Variants in UTRN observed in about 807,000 individuals in gnomAD.
The protein encoded by UTRN is utrophin, also known as dystrophin-related protein 1.
Under a neutral mutation model 463.9 loss-of-function variants are expected in UTRN, and 283 were observed. The ratio of observed to expected loss-of-function variants is 0.61; its 90% CI spans 0.55 to 0.67. The LOEUF is 0.67. Among genes scored for constraint, UTRN ranks in the 30% least tolerant of loss-of-function variants. The probability of loss-of-function intolerance (pLI) is 0.00; values close to 1 mark genes in which losing one functional copy is unlikely to be tolerated. For synonymous variants in UTRN, 1,442 were observed against 1,431.5 expected (o/e 1.01, Z -0.17); for missense variants, 3,922 against 4,084.3 (o/e 0.96, Z 1.08).
intron 65 of UTRN, among the ~76,000 whole-genome samples, chr6:144,818,796 C>T (rs976482454): frequency 4.6e-5 from 7 of 151,954 alleles, no homozygotes; most frequent in East Asian, 1.9e-4. Flanking sequence ...ATGTGAAAAT[C>T]GTTTATAGTA....
At chr6:144,467,291 T>C (rs1168194455) in intron 23 of UTRN, among the ~76,000 whole-genome samples, 1 of 152,226 alleles carries the variant, frequency 6.6e-6, no homozygotes, top group Non-Finnish European at 1.5e-5. Flanking sequence ...AGCTAGATAA[T>C]CGTTCCCTCC....
rs147161800 is a variant in UTRN at position 144,461,743 on chromosome 6, C to A, written c.2853+401C>A. 3.8e-3 allele frequency among the ~76,000 whole-genome samples: 583 copies of A among 152,284 alleles called. 5 individuals are homozygous for A. Among genetic ancestry groups the A allele is most frequent in the African/African-American group, 0.012 (504 of 41,564 alleles). On this transcript the variant is annotated intron_variant, in intron 22 of 74. Transcript: ENST00000367545. ...TGCTATTAGATGAAAAGGAGAGCAG[C>A]CATTGAGCACTGCACACTTGGCCCA... is the stretch of plus-strand genomic sequence containing the variant.
At chr6:144,569,956 G>C (rs1175863645) in intron 50 of UTRN, among the ~76,000 whole-genome samples, 1 of 152,166 alleles carries the variant, frequency 6.6e-6, no homozygotes, top group African/African-American at 2.4e-5. Flanking sequence ...TTCACCCCTA[G>C]ACCCTCCAGA....
chr6:144,287,093 G>T (rs1803756667), intron 1 of UTRN, among the ~76,000 whole-genome samples: 1 of 152,184 alleles, frequency 6.6e-6, no homozygotes, highest in African/African-American at 2.4e-5. Context: ...TCAGGAAGTC[G>T]ATCTGGGCCC....
At chr6:144,531,019 G>A in intron 41 of UTRN, 33 bp from the exon 42 acceptor site, 1 of 1,588,392 alleles carries the variant, frequency 6.3e-7, no homozygotes, top group African/African-American at 1.3e-5. Context: ...GGAAAATTTG[G>A]AAACCTATTT....
Position 144,447,200 on chromosome 6 carries a change from A to G in UTRN, c.1615-11A>G. The G allele has an allele frequency of 6.2e-7, 1 of 1,606,040 alleles. No individual in the cohort carries two copies. The highest frequency in any genetic ancestry group is 8.5e-7 in the Non-Finnish European group (1 of 1,177,396). ...TTGCAGATAAAGTTCAACTTTTGTT[A>G]TTACTTGTAGTGCTTGTTGAAAGCT... On this transcript the variant is annotated splice_polypyrimidine_tract_variant and intron_variant, in intron 14 of 74. Transcript: ENST00000367545.
chr6:144,344,464 T>C (rs551570097), intron 2 of UTRN, among the ~76,000 whole-genome samples: 1 of 152,360 alleles, frequency 6.6e-6, no homozygotes, highest in African/African-American at 2.4e-5. Flanking sequence ...ACGTCTGTTG[T>C]GGACCCTCAA....
chr6:144,632,213 T>C (rs1174105386), intron 51 of UTRN, among the ~76,000 whole-genome samples: 2 of 152,228 alleles, frequency 1.3e-5, no homozygotes, highest in East Asian at 3.8e-4. Context: ...AAATGGATCC[T>C]CTTTTTTTAA....
At chr6:144,327,359 T>A (rs1776038805) in intron 2 of UTRN, among the ~76,000 whole-genome samples, 1 of 152,072 alleles carries the variant, frequency 6.6e-6, no homozygotes, top group African/African-American at 2.4e-5. Flanking sequence ...AGAAATGCTG[T>A]GGTATTTATT....
intron 69 of UTRN, among the ~76,000 whole-genome samples, chr6:144,832,864 G>T (rs1449379164): frequency 6.6e-6 from 1 of 152,072 alleles, no homozygotes; most frequent in Non-Finnish European, 1.5e-5. Context: ...CTGTCGCCCA[G>T]GCTGGAGTGC....
At chr6:144,399,884 T>C (rs1045909486) in intron 2 of UTRN, among the ~76,000 whole-genome samples, 7 of 152,212 alleles carry the variant, frequency 4.6e-5, no homozygotes, top group Admixed American at 2.0e-4. Flanking sequence ...ATACTTCTTT[T>C]ACCTATCACA....
In UTRN at chr6:144,346,190, A is replaced by T. The variant is rs189497286; in HGVS notation, c.79+54283A>T. 8.1e-3 allele frequency among the ~76,000 whole-genome samples: 1,228 copies of T among 151,618 alleles called. 70 individuals carry two copies. The East Asian group carries it at 0.16, about 20-fold the overall frequency. On this transcript the variant is annotated intron_variant, in intron 2 of 74. Transcript: ENST00000367545. Reference sequence around the variant, plus strand: ...AAAACTCTGTCTCAAAAAAAAAAAAAATAAAATAAAAAAGCAGGCTTTTAA... The same window carrying T: ...AAAACTCTGTCTCAAAAAAAAAAAATATAAAATAAAAAAGCAGGCTTTTAA...
chr6:144,330,729 G>C, intron 2 of UTRN: 1 of 775,200 alleles, frequency 1.3e-6, no homozygotes, highest in Non-Finnish European at 1.6e-6. Context: ...GGCTCAGACA[G>C]AGCAGACCAG....
intron 1 of UTRN, among the ~76,000 whole-genome samples, chr6:144,287,004 C>T (rs1189522512): frequency 6.6e-6 from 1 of 152,100 alleles, no homozygotes; most frequent in Admixed American, 6.5e-5. Flanking sequence ...GGCCGGATTC[C>T]CTAGGTCTGA....
chr6:144,297,704 A>G (rs1045927927), intron 2 of UTRN, among the ~76,000 whole-genome samples: 4 of 152,228 alleles, frequency 2.6e-5, no homozygotes, highest in African/African-American at 9.7e-5. Context: ...CTGGCAGAGA[A>G]GGGCAGCTAT....
chr6:144,653,384 G>A (rs1585800488), intron 51 of UTRN, among the ~76,000 whole-genome samples: 1 of 152,074 alleles, frequency 6.6e-6, no homozygotes, highest in African/African-American at 2.4e-5. Context: ...AGGAGATTGA[G>A]ACCATCCTGT....
At chr6:144,616,194 G>C (rs9497021) in intron 51 of UTRN, among the ~76,000 whole-genome samples, 10,472 of 152,174 alleles carry the variant, frequency 0.069, 743 homozygotes, top group African/African-American at 0.18. Context: ...GGCCTTAACA[G>C]CATACAGGTG....
Position 144,444,494 on chromosome 6 carries a change from A to G in UTRN, c.1614+112A>G, listed in dbSNP as rs1787475542. On this transcript the variant is annotated intron_variant, in intron 14 of 74. Transcript: ENST00000367545. ...TTACTTTTCTTTGAAAGGAAAATAT[A>G]TAAATAATTATTTTAAAGATCAAAT... 1.0e-5 allele frequency: 6 copies of G among 586,782 alleles called. No individual in the cohort carries two copies. The South Asian group carries it at 1.1e-4, about 10-fold the overall frequency. The allele number at this position is 586,782 out of a possible 1,614,324, so 36.3% of individuals were successfully genotyped here.
At chr6:144,300,000 T>C (rs1220309378) in intron 2 of UTRN, among the ~76,000 whole-genome samples, 1 of 152,164 alleles carries the variant, frequency 6.6e-6, no homozygotes, top group African/African-American at 2.4e-5. Flanking sequence ...GTGATTTTTA[T>C]GTGAAGATGA....
Sources: gnomAD v4.1 joint callset for allele counts (sites outside exome capture counted in the v4.1 genomes callset) on GRCh38, gnomAD v4.1.1 for gene constraint, MANE v1.5 for transcripts, NCBI Gene and HGNC (gene_info 2026-07-23, HGNC 2026-07-21) for gene names.